Variants in EYS observed in about 807,000 individuals in gnomAD.
EYS encodes protein eyes shut homolog.
EYS carries 250 observed loss-of-function variants against 282.1 expected under a neutral mutation model. The ratio of observed to expected loss-of-function variants is 0.89; its 90% CI spans 0.80 to 0.98. The LOEUF is 0.98. EYS is among the 50% of genes least tolerant of loss of function. EYS has a pLI of 0.00. For synonymous variants in EYS, 1,355 were observed against 1,282.9 expected (o/e 1.06, Z -1.20); for missense variants, 4,016 against 3,709.0 (o/e 1.08, Z -2.15).
intron 33 of EYS, among the ~76,000 whole-genome samples, chr6:64,034,843 G>GA (rs575761921): frequency 6.7e-5 from 10 of 149,676 alleles, no homozygotes; most frequent in South Asian, 4.2e-4. Flanking sequence ...ACAACTAAAG[G>GA]AAAAAAAAAG....
chr6:63,840,629 G>T (rs1272438168), intron 36 of EYS, among the ~76,000 whole-genome samples: 1 of 152,036 alleles, frequency 6.6e-6, no homozygotes, highest in Non-Finnish European at 1.5e-5. Flanking sequence ...ATGTCTTCAA[G>T]AATTCATCCT....
At chr6:65,120,237 A>G (rs749972179) in intron 12 of EYS, among the ~76,000 whole-genome samples, 2 of 151,618 alleles carry the variant, frequency 1.3e-5, no homozygotes, top group Non-Finnish European at 2.9e-5. Context: ...ACAAGCAAGG[A>G]AACAAACAAA....
intron 31 of EYS, among the ~76,000 whole-genome samples, chr6:64,200,065 G>T (rs896924778): frequency 6.6e-6 from 1 of 152,136 alleles, no homozygotes; most frequent in Non-Finnish European, 1.5e-5. Flanking sequence ...TTAATTGAGA[G>T]AAGCCAGTCT....
intron 41 of EYS, among the ~76,000 whole-genome samples, chr6:63,760,662 AT>A (rs1769611416): frequency 7.0e-6 from 1 of 142,740 alleles, no homozygotes; most frequent in Non-Finnish European, 1.5e-5. Flanking sequence ...CTATCTATCT[AT>A]CTATCTATCT....
At chr6:64,626,565 CAG>C (rs1767616726) in intron 22 of EYS, among the ~76,000 whole-genome samples, 1 of 152,090 alleles carries the variant, frequency 6.6e-6, no homozygotes, top group South Asian at 2.1e-4. Context: ...GCACAGAAGA[CAG>C]AGACCCACAG....
At chr6:64,448,405 G>T (rs1300651088) in intron 26 of EYS, among the ~76,000 whole-genome samples, 1 of 152,252 alleles carries the variant, frequency 6.6e-6, no homozygotes, top group East Asian at 1.9e-4. Context: ...AGGCCTGCCT[G>T]CCTCTGTAGG....
intron 31 of EYS, among the ~76,000 whole-genome samples, chr6:64,145,091 T>C (rs114301667): frequency 0.011 from 1,747 of 152,256 alleles, 34 homozygotes; most frequent in African/African-American, 0.039. Flanking sequence ...GGGATGAAAA[T>C]TTGACAGCTT....
chr6:63,851,859 T>TA (rs555234652), intron 36 of EYS, among the ~76,000 whole-genome samples: 9 of 151,700 alleles, frequency 5.9e-5, no homozygotes, highest in Non-Finnish European at 7.4e-5. Flanking sequence ...AAAAAACCCT[T>TA]AAAAAATCAA....
intron 28 of EYS, among the ~76,000 whole-genome samples, chr6:64,407,858 A>G (rs1239599591): frequency 1.3e-5 from 2 of 151,988 alleles, no homozygotes; most frequent in Non-Finnish European, 2.9e-5. Context: ...CAGCCTCCCG[A>G]GGAGCTGAGA....
chr6:65,180,179 C>G (rs1403655695), intron 12 of EYS, among the ~76,000 whole-genome samples: 1 of 152,044 alleles, frequency 6.6e-6, no homozygotes, highest in Admixed American at 6.6e-5. Context: ...CACTCCTATT[C>G]AACATACTGT....
intron 29 of EYS, among the ~76,000 whole-genome samples, chr6:64,354,356 T>A (rs1317133923): frequency 6.6e-6 from 1 of 151,600 alleles, no homozygotes; most frequent in Non-Finnish European, 1.5e-5. Context: ...CCACTATTGA[T>A]CATTCCTTTT....
intron 1 of EYS, among the ~76,000 whole-genome samples, chr6:65,671,339 A>C (rs1768384868): frequency 6.6e-6 from 1 of 152,264 alleles, no homozygotes; most frequent in South Asian, 2.1e-4. Flanking sequence ...GGTAAATTAC[A>C]GTATTTTTTT....
At chr6:63,875,396 G>A (rs1055561546) in intron 35 of EYS, among the ~76,000 whole-genome samples, 1 of 152,138 alleles carries the variant, frequency 6.6e-6, no homozygotes, top group Admixed American at 6.6e-5. Context: ...GAGGATTTTT[G>A]CATTGATGTT....
intron 22 of EYS, among the ~76,000 whole-genome samples, chr6:64,644,610 C>T (rs981380336): frequency 3.9e-5 from 6 of 152,066 alleles, no homozygotes; most frequent in Admixed American, 6.6e-5. Flanking sequence ...ATTTTAAATA[C>T]ACTAATATCC....
At chr6:64,346,847 G>A (rs1364154175) in intron 29 of EYS, among the ~76,000 whole-genome samples, 2 of 151,264 alleles carry the variant, frequency 1.3e-5, no homozygotes, top group African/African-American at 2.4e-5. Context: ...TGGCATATTT[G>A]GAAGGAAATT....
intron 35 of EYS, among the ~76,000 whole-genome samples, chr6:63,925,144 C>G (rs1764679526): frequency 6.6e-6 from 1 of 152,266 alleles, no homozygotes; most frequent in South Asian, 2.1e-4. Context: ...GAAAGCAGCC[C>G]TGAGAATTAA....
intron 22 of EYS, among the ~76,000 whole-genome samples, chr6:64,689,073 C>G (rs1290424580): frequency 1.3e-5 from 2 of 152,150 alleles, no homozygotes; most frequent in Non-Finnish European, 2.9e-5. Flanking sequence ...TAAAAAACCC[C>G]ATCGTCTCAG....
chr6:63,963,273 A>G (rs937845767), intron 35 of EYS, among the ~76,000 whole-genome samples: 40 of 152,134 alleles, frequency 2.6e-4, no homozygotes, highest in African/African-American at 9.4e-4. Context: ...TAAAGTATAA[A>G]AAAAAAAGAA....
At chr6:63,779,537 T>G (rs1288949688) in intron 39 of EYS, among the ~76,000 whole-genome samples, 1 of 151,946 alleles carries the variant, frequency 6.6e-6, no homozygotes, top group Non-Finnish European at 1.5e-5. Context: ...GACAGTTCAG[T>G]GAAAAATTTG....
Sources: allele counts gnomAD v4.1 joint callset (sites outside exome capture counted in the v4.1 genomes callset), GRCh38; gene constraint gnomAD v4.1.1; transcripts MANE v1.5; gene names NCBI Gene and HGNC (gene_info 2026-07-23, HGNC 2026-07-21).